The following MTUS2 variants were observed in gnomAD, a reference collection of about 807,000 sequenced individuals.
The protein encoded by MTUS2 is microtubule-associated tumor suppressor candidate 2.
MTUS2 carries 40 observed loss-of-function variants against 114.1 expected under a neutral mutation model. The ratio of observed to expected loss-of-function variants is 0.35; its 90% CI spans 0.27 to 0.46. The LOEUF is 0.46. Among genes scored for constraint, MTUS2 ranks in the 20% least tolerant of loss-of-function variants. The pLI is 1.00. For synonymous variants in MTUS2, 688 were observed against 672.0 expected (o/e 1.02, Z -0.37); for missense variants, 1,679 against 1,705.4 (o/e 0.98, Z 0.27).
At chr13:29,149,302 TG>T (rs1478667350) in intron 5 of MTUS2, among the ~76,000 whole-genome samples, 1 of 152,246 alleles carries the variant, frequency 6.6e-6, no homozygotes, top group African/African-American at 2.4e-5. Context: ...TTCTTATGTT[TG>T]TTGGCCGCAT....
intron 5 of MTUS2, among the ~76,000 whole-genome samples, chr13:29,141,275 C>T (rs147070334): frequency 3.3e-5 from 5 of 152,190 alleles, no homozygotes; most frequent in African/African-American, 4.8e-5. Context: ...GTAAGTGCCA[C>T]GATCAGGGTA....
intron 8 of MTUS2, among the ~76,000 whole-genome samples, chr13:29,424,875 A>G (rs764256184): frequency 6.6e-6 from 1 of 152,232 alleles, no homozygotes; most frequent in African/African-American, 2.4e-5. Flanking sequence ...TAGGAGACCC[A>G]AGATACTTAA....
intron 6 of MTUS2, among the ~76,000 whole-genome samples, chr13:29,287,946 T>G (rs1898558987): frequency 6.6e-6 from 1 of 152,204 alleles, no homozygotes; most frequent in African/African-American, 2.4e-5. Context: ...TTAAATGAGC[T>G]GCTATACAGC....
intron 2 of MTUS2, among the ~76,000 whole-genome samples, chr13:28,913,854 T>C (rs562553041): frequency 6.6e-6 from 1 of 152,102 alleles, no homozygotes; most frequent in Non-Finnish European, 1.5e-5. Flanking sequence ...TGAGGGTGTG[T>C]GTGTCTAGAA....
At chr13:28,923,164 C>A (rs1881142640) in intron 2 of MTUS2, among the ~76,000 whole-genome samples, 2 of 152,070 alleles carry the variant, frequency 1.3e-5, no homozygotes, top group Admixed American at 6.6e-5. Flanking sequence ...TTGTGTTTTT[C>A]CTTTTTATTT....
intron 5 of MTUS2, among the ~76,000 whole-genome samples, chr13:29,209,491 G>GTT (rs760267271): frequency 7.0e-6 from 1 of 142,028 alleles, no homozygotes; most frequent in African/African-American, 2.6e-5. Flanking sequence ...ATACCTTGTT[G>GTT]TTTTTTTTTT....
At chr13:29,098,307 G>A (rs1014184489) in intron 4 of MTUS2, among the ~76,000 whole-genome samples, 2 of 152,310 alleles carry the variant, frequency 1.3e-5, no homozygotes, top group African/African-American at 4.8e-5. Context: ...CCCTGAAGGC[G>A]TGTATGATAT....
intron 6 of MTUS2, among the ~76,000 whole-genome samples, chr13:29,298,988 T>G (rs1195320971): frequency 1.3e-5 from 2 of 152,170 alleles, no homozygotes; most frequent in African/African-American, 4.8e-5. Flanking sequence ...TGTCAACTTA[T>G]TTGTCATTGT....
chr13:28,829,530 T>A (rs1462153755), intron 1 of MTUS2, among the ~76,000 whole-genome samples: 2 of 147,876 alleles, frequency 1.4e-5, no homozygotes, highest in Admixed American at 6.7e-5. Context: ...GGACTCCGTC[T>A]AAAAAAAAAA....
chr13:29,421,253 T>C (rs990005119), intron 8 of MTUS2, among the ~76,000 whole-genome samples: 3 of 152,226 alleles, frequency 2.0e-5, no homozygotes, highest in African/African-American at 7.2e-5. Context: ...ACGCATATTT[T>C]CCTGGCCCTG....
At chr13:28,965,581 A>G (rs1248732474) in intron 2 of MTUS2, among the ~76,000 whole-genome samples, 2 of 152,202 alleles carry the variant, frequency 1.3e-5, no homozygotes, top group Admixed American at 6.5e-5. Context: ...CTATATATGT[A>G]TATATGCATA....
intron 8 of MTUS2, among the ~76,000 whole-genome samples, chr13:29,434,135 A>T (rs947206716): frequency 3.9e-5 from 6 of 152,152 alleles, no homozygotes; most frequent in African/African-American, 1.4e-4. Flanking sequence ...TTTTTAAAAA[A>T]AATCAGGTGG....
chr13:29,013,790 G>A (rs1160339020), intron 2 of MTUS2, among the ~76,000 whole-genome samples: 1 of 146,390 alleles, frequency 6.8e-6, no homozygotes, highest in Non-Finnish European at 1.5e-5. Context: ...ACACATACGT[G>A]CACAGGCACA....
In MTUS2 at chr13:29,469,584, G is replaced by A. The variant is rs901630364; in HGVS notation, c.3185-10566G>A. Among the ~76,000 whole-genome samples the A allele has an allele frequency of 2.3e-4, 34 of 150,430 alleles. 1 individual carries two copies. Among genetic ancestry groups the A allele is most frequent in the African/African-American group, 7.4e-4 (30 of 40,768 alleles). ...AGAAGTTGCAGTGAGCCAAGATCGCGCCACTGCACTCCAGCCTGGGCAACA... is the reference window on the plus strand; with the variant it reads ...AGAAGTTGCAGTGAGCCAAGATCGCACCACTGCACTCCAGCCTGGGCAACA... On this transcript the variant is annotated intron_variant, in intron 9 of 15. Coordinates refer to ENST00000612955, the MANE Select transcript of MTUS2 (RefSeq NM_001033602.4).
chr13:29,308,807 C>T (rs1899608147), intron 6 of MTUS2, among the ~76,000 whole-genome samples: 1 of 152,162 alleles, frequency 6.6e-6, no homozygotes, highest in Non-Finnish European at 1.5e-5. Context: ...CTCAACATCA[C>T]TGATCATTAG....
chr13:29,243,002 A>G (rs1896785193), intron 5 of MTUS2, among the ~76,000 whole-genome samples: 1 of 152,198 alleles, frequency 6.6e-6, no homozygotes. Flanking sequence ...AGAAAATAAT[A>G]ATAGTTCTTA....
intron 5 of MTUS2, among the ~76,000 whole-genome samples, chr13:29,116,896 T>A (rs1389202117): frequency 1.3e-5 from 2 of 152,184 alleles, no homozygotes; most frequent in Non-Finnish European, 2.9e-5. Flanking sequence ...GTTTCTGGAA[T>A]TTTTCACTTA....
chr13:29,059,618 A>G (rs975985225), intron 4 of MTUS2, among the ~76,000 whole-genome samples: 4 of 152,062 alleles, frequency 2.6e-5, no homozygotes, highest in Non-Finnish European at 5.9e-5. Flanking sequence ...GGTGTTTCCA[A>G]GGCAATAGGA....
At chr13:29,423,826 G>C (rs1269233502) in intron 8 of MTUS2, among the ~76,000 whole-genome samples, 1 of 150,996 alleles carries the variant, frequency 6.6e-6, no homozygotes, top group Non-Finnish European at 1.5e-5. Flanking sequence ...AAGTTCTAGT[G>C]TTGGATAGCA....
Sources: allele counts gnomAD v4.1 joint callset (sites outside exome capture counted in the v4.1 genomes callset), GRCh38; gene constraint gnomAD v4.1.1; transcripts MANE v1.5; gene names NCBI Gene and HGNC (gene_info 2026-07-23, HGNC 2026-07-21).